The following ARL15 variants were observed in gnomAD, a reference collection of about 807,000 sequenced individuals.
The protein encoded by ARL15 is ARF like GTPase 15, also known as ADP-ribosylation factor-like protein 15.
In ARL15, 19 loss-of-function variants were observed where a neutral mutation model predicts 25.2. That is an observed-to-expected ratio of 0.75 (90% confidence interval 0.53 to 1.10). The LOEUF (loss-of-function observed/expected upper bound fraction) is 1.10, where lower values mean the gene tolerates loss of function less well. ARL15 is among the 50% of genes least tolerant of loss of function. The probability of loss-of-function intolerance (pLI) is 0.00; values close to 1 mark genes in which losing one functional copy is unlikely to be tolerated. For synonymous variants in ARL15, 94 were observed against 86.8 expected, an observed-to-expected ratio of 1.08 and a Z score of -0.46; for missense variants, 220 against 246.0, an observed-to-expected ratio of 0.89 and a Z score of 0.71.
intron 4 of ARL15, chr5:53,887,500 GTA>G: frequency 1.6e-6 from 1 of 619,066 alleles, no homozygotes; most frequent in Non-Finnish European, 2.9e-6. Flanking sequence ...ACGGCATTTA[GTA>G]TTACCAATTC....
chr5:53,940,221 C>T (rs142004943), intron 4 of ARL15, among the ~76,000 whole-genome samples: 4,377 of 152,248 alleles, frequency 0.029, 72 homozygotes, highest in Middle Eastern at 0.058. Context: ...CATCCGCCCA[C>T]CTTGGCCTCC....
chr5:54,057,022 GAAGA>G (rs1750896185), intron 4 of ARL15, among the ~76,000 whole-genome samples: 3 of 151,188 alleles, frequency 2.0e-5, no homozygotes, highest in African/African-American at 4.9e-5. Context: ...AAATAAATTG[GAAGA>G]AAGAAAAGTT....
intron 4 of ARL15, among the ~76,000 whole-genome samples, chr5:53,910,900 ATCT>A (rs1745443426): frequency 1.3e-5 from 2 of 151,830 alleles, no homozygotes; most frequent in South Asian, 2.1e-4. Context: ...CTTTGTTCTG[ATCT>A]TCTTGTATTT....
chr5:54,062,047 C>T (rs1005739583), intron 4 of ARL15, among the ~76,000 whole-genome samples: 1 of 152,206 alleles, frequency 6.6e-6, no homozygotes, highest in Non-Finnish European at 1.5e-5. Context: ...AATTTTGGAG[C>T]TTTAAGATTT....
intron 4 of ARL15, among the ~76,000 whole-genome samples, chr5:53,993,184 A>G (rs892339387): frequency 2.0e-5 from 3 of 152,230 alleles, no homozygotes; most frequent in African/African-American, 7.2e-5. Flanking sequence ...CACAGTGCAG[A>G]TTGTTAATGA....
chr5:53,920,668 A>AATAC (rs1465231272), intron 4 of ARL15, among the ~76,000 whole-genome samples: 2 of 150,670 alleles, frequency 1.3e-5, no homozygotes, highest in Non-Finnish European at 3.0e-5. Flanking sequence ...TAAATAAATA[A>AATAC]ATAAATAAAT....
chr5:54,062,249 C>T (rs1403516591), intron 4 of ARL15, among the ~76,000 whole-genome samples: 1 of 152,144 alleles, frequency 6.6e-6, no homozygotes, highest in Admixed American at 6.5e-5. Flanking sequence ...AGGCTTTGGA[C>T]AGTGGACTTT....
At chr5:54,250,860 C>T (rs1757220415) in intron 1 of ARL15, among the ~76,000 whole-genome samples, 1 of 152,158 alleles carries the variant, frequency 6.6e-6, no homozygotes, top group Non-Finnish European at 1.5e-5. Flanking sequence ...GTGAAGGTCA[C>T]TAGGGTCACC....
At chr5:53,971,604 A>G (rs1296445679) in intron 4 of ARL15, among the ~76,000 whole-genome samples, 1 of 96,096 alleles carries the variant, frequency 1.0e-5, no homozygotes, top group Non-Finnish European at 2.3e-5. Flanking sequence ...CACCACATGA[A>G]GTGATTAAAA....
intron 1 of ARL15, among the ~76,000 whole-genome samples, chr5:54,194,708 T>C (rs1476708414): frequency 3.3e-5 from 5 of 152,156 alleles, no homozygotes; most frequent in Admixed American, 6.6e-5. Flanking sequence ...ACAGAAATGG[T>C]AGAATGACCT....
chr5:54,260,902 G>A (rs1241725247), intron 1 of ARL15, among the ~76,000 whole-genome samples: 1 of 152,144 alleles, frequency 6.6e-6, no homozygotes, highest in African/African-American at 2.4e-5. Context: ...CCCAATCTCA[G>A]AACTTGGAAT....
intron 4 of ARL15, among the ~76,000 whole-genome samples, chr5:53,998,304 T>C (rs537091274): frequency 2.0e-4 from 30 of 151,004 alleles, no homozygotes; most frequent in Admixed American, 7.9e-4. Flanking sequence ...AAAAAAAAGC[T>C]TTTATCCAAT....
At chr5:53,935,655 A>G (rs530352111) in intron 4 of ARL15, among the ~76,000 whole-genome samples, 11 of 152,300 alleles carry the variant, frequency 7.2e-5, no homozygotes, top group African/African-American at 2.6e-4. Context: ...AGCGGGAGGA[A>G]TTTATTCACA....
At chr5:53,903,294 G>A (rs1184384114) in intron 4 of ARL15, among the ~76,000 whole-genome samples, 1 of 152,146 alleles carries the variant, frequency 6.6e-6, no homozygotes, top group African/African-American at 2.4e-5. Context: ...ATGACTAGTT[G>A]AAAATACTAG....
chr5:54,208,370 G>C (rs760142865), intron 1 of ARL15, among the ~76,000 whole-genome samples: 1 of 151,912 alleles, frequency 6.6e-6, no homozygotes, highest in Admixed American at 6.6e-5. Flanking sequence ...TATACAATGA[G>C]ATGAAAATCT....
intron 1 of ARL15, among the ~76,000 whole-genome samples, chr5:54,300,323 T>C (rs1758584130): frequency 6.6e-6 from 1 of 152,234 alleles, no homozygotes; most frequent in Admixed American, 6.5e-5. Context: ...TCCAGCTATC[T>C]TGAGGCCATC....
chr5:54,268,365 C>T (rs1226165524), intron 1 of ARL15, among the ~76,000 whole-genome samples: 1 of 152,148 alleles, frequency 6.6e-6, no homozygotes, highest in Non-Finnish European at 1.5e-5. Context: ...ATTATACATT[C>T]GTCTAAATTT....
At chr5:54,007,954 C>T (rs1209945548) in intron 4 of ARL15, among the ~76,000 whole-genome samples, 1 of 152,150 alleles carries the variant, frequency 6.6e-6, no homozygotes, top group Non-Finnish European at 1.5e-5. Flanking sequence ...CTGCATGAGA[C>T]TCAGACCTTC....
chr5:54,172,520 A>T (rs572880924), intron 1 of ARL15, among the ~76,000 whole-genome samples: 1 of 152,294 alleles, frequency 6.6e-6, no homozygotes, highest in African/African-American at 2.4e-5. Context: ...AATTTCCTGA[A>T]TTTAATCAAT....
Sources: allele counts gnomAD v4.1 joint callset (sites outside exome capture counted in the v4.1 genomes callset), GRCh38; gene constraint gnomAD v4.1.1; transcripts MANE v1.5; gene names NCBI Gene and HGNC (gene_info 2026-07-23, HGNC 2026-07-21).